RBKS: variants seen among roughly 807,000 people sequenced by gnomAD.
The protein encoded by RBKS is ribokinase.
Under a neutral mutation model 33.9 loss-of-function variants are expected in RBKS, and 33 were observed. The observed-to-expected ratio is 0.97, with a 90% CI of 0.74 to 1.30. The LOEUF (loss-of-function observed/expected upper bound fraction) is 1.30, where lower values mean the gene tolerates loss of function less well. Among genes scored for constraint, RBKS ranks in the 50% most tolerant of loss-of-function variants. The probability of loss-of-function intolerance (pLI) is 0.00; values close to 1 mark genes in which losing one functional copy is unlikely to be tolerated. For synonymous variants in RBKS, 125 were observed against 143.0 expected (o/e 0.87, Z 0.90); for missense variants, 361 against 392.6 (o/e 0.92, Z 0.68).
At chr2:27,858,118 A>G (rs1410524847) in intron 2 of RBKS, among the ~76,000 whole-genome samples, 1 of 152,232 alleles carries the variant, frequency 6.6e-6, no homozygotes, top group Non-Finnish European at 1.5e-5. Flanking sequence ...AAAATGTCAC[A>G]TAATATATAT....
chr2:27,827,215 C>G (rs1678329258), intron 7 of RBKS, among the ~76,000 whole-genome samples: 1 of 152,192 alleles, frequency 6.6e-6, no homozygotes, highest in Middle Eastern at 3.2e-3. Flanking sequence ...ATTGCTATAT[C>G]CCCAGCAACT....
chr2:27,782,237 C>A (rs904002010), intron 7 of RBKS, among the ~76,000 whole-genome samples: 1 of 152,048 alleles, frequency 6.6e-6, no homozygotes, highest in Admixed American at 6.6e-5. Flanking sequence ...TCATAGCTCA[C>A]TGCAGCCTGG....
At chr2:27,792,598 TGTC>T (rs943779622) in intron 7 of RBKS, among the ~76,000 whole-genome samples, 3 of 152,110 alleles carry the variant, frequency 2.0e-5, no homozygotes, top group African/African-American at 7.2e-5. Flanking sequence ...TCTTAACACA[TGTC>T]GTTTCTTCAT....
intron 6 of RBKS, among the ~76,000 whole-genome samples, 186 bp downstream of exon 6, chr2:27,832,500 C>T (rs1678435919): frequency 6.6e-6 from 1 of 152,138 alleles, no homozygotes; most frequent in Non-Finnish European, 1.5e-5. Context: ...CTCAGAGAAT[C>T]CTTTTTTCCC....
At chr2:27,880,663 A>G (rs1419799239) in intron 1 of RBKS, among the ~76,000 whole-genome samples, 3 of 152,192 alleles carry the variant, frequency 2.0e-5, no homozygotes, top group Non-Finnish European at 2.9e-5. Flanking sequence ...CCCATCCACA[A>G]TTACCACATA....
chr2:27,857,959 T>C (rs948713221), intron 2 of RBKS, among the ~76,000 whole-genome samples: 1 of 152,206 alleles, frequency 6.6e-6, no homozygotes, highest in Non-Finnish European at 1.5e-5. Context: ...ACAGCCCAAG[T>C]GTCCATCAAT....
chr2:27,888,285 G>A (rs999819495), intron 1 of RBKS, among the ~76,000 whole-genome samples: 11 of 152,024 alleles, frequency 7.2e-5, no homozygotes, highest in Admixed American at 7.2e-4. Flanking sequence ...CAGCTACCAT[G>A]CCCAGCTAAT....
intron 2 of RBKS, among the ~76,000 whole-genome samples, chr2:27,855,738 A>G (rs1663846438): frequency 6.6e-6 from 1 of 152,238 alleles, no homozygotes; most frequent in Non-Finnish European, 1.5e-5. Flanking sequence ...CACTGTATAA[A>G]TAATGAGGTA....
At chr2:27,832,601 G>T in intron 6 of RBKS, 85 bp downstream of exon 6, 1 of 827,244 alleles carries the variant, frequency 1.2e-6, no homozygotes, top group Non-Finnish European at 2.1e-6. Context: ...TCATCAAATT[G>T]ATGTGGTTAG....
chr2:27,864,167 C>T (rs370501478), intron 1 of RBKS, among the ~76,000 whole-genome samples: 109 of 151,960 alleles, frequency 7.2e-4, no homozygotes, highest in Non-Finnish European at 1.1e-3. Context: ...GCTAGGACTA[C>T]GGGGGCACAC....
rs144424058 is a variant in RBKS at position 27,847,054 on chromosome 2, C to T, written c.337G>A (p.Val113Ile). The T allele has an allele frequency of 8.6e-5, 138 of 1,604,594 alleles. 2 individuals carry two copies. In the Admixed American group the frequency reaches 1.4e-3, roughly 16 times the overall value. The change falls in exon 4 of 8, where the codon GTC becomes ATC. Residue 113 changes from valine to isoleucine, a missense_variant. Val to Ile is a conservative substitution (Grantham distance 29). Transcript: ENST00000302188. ...GCAAAACACTTACCTTCATTATTGACAATTATAGAAGCAGTTCCTGTAGCA... is the reference window on the plus strand; with the variant it reads ...GCAAAACACTTACCTTCATTATTGATAATTATAGAAGCAGTTCCTGTAGCA... ...DAATGTASII[V>I]NNEGQNIIVI...
At chr2:27,802,532 T>C (rs1337364602) in intron 7 of RBKS, among the ~76,000 whole-genome samples, 1 of 152,004 alleles carries the variant, frequency 6.6e-6, no homozygotes, top group Non-Finnish European at 1.5e-5. Context: ...AAAAGTTTCC[T>C]TGGCATGGGA....
rs546661572 is a variant in RBKS, at chr2:27,884,752, A to C, written c.89+5505T>G. 8.9e-4 allele frequency among the ~76,000 whole-genome samples: 136 copies of C among 152,320 alleles called. 3 individuals are homozygous for C. Among genetic ancestry groups the C allele is most frequent in the Non-Finnish European group, 8.7e-4 (59 of 68,032 alleles). ...TCACTTTTAATTGGCAGCATGTAAA[A>C]AGATAACACAGAGTTTTAGTTGACA... On this transcript the variant is annotated intron_variant, in intron 1 of 7. Transcript: ENST00000302188.
At chr2:27,870,961 C>T (rs1032647384) in intron 1 of RBKS, 15 of 449,734 alleles carry the variant, frequency 3.3e-5, no homozygotes, top group Admixed American at 1.7e-4. Context: ...ACCTGGACTG[C>T]GTATCACAGT....
intron 1 of RBKS, among the ~76,000 whole-genome samples, chr2:27,881,168 G>A (rs1392804437): frequency 6.6e-6 from 1 of 152,116 alleles, no homozygotes; most frequent in Non-Finnish European, 1.5e-5. Context: ...GGGATTGCTG[G>A]AGCCTGGAAG....
Position 27,795,708 on chromosome 2 carries a change from C to T in RBKS, c.796-13920G>A, listed in dbSNP as rs1243742234. 6.6e-6 allele frequency among the ~76,000 whole-genome samples: 1 copy of T among 152,104 alleles called. No homozygotes were observed. Among genetic ancestry groups the T allele is most frequent in the African/African-American group, 2.4e-5 (1 of 41,408 alleles). On this transcript the variant is annotated intron_variant, in intron 7 of 7. Transcript: ENST00000302188. The surrounding 1 kb of genome is among the most constrained non-coding windows in gnomAD (Gnocchi z 4.1). ...GTACCCAGACCCAGTGATTCCGCTC[C>T]CATCCTGTTTCACCACCCAGTGAAG... is the stretch of plus-strand genomic sequence containing the variant.
chr2:27,863,341 A>G (rs1664025879), intron 1 of RBKS, among the ~76,000 whole-genome samples: 1 of 152,238 alleles, frequency 6.6e-6, no homozygotes, highest in Non-Finnish European at 1.5e-5. Flanking sequence ...GGCCTGAGCC[A>G]CTTACTGATT....
At chr2:27,862,081 G>C (rs779147411) in intron 1 of RBKS, among the ~76,000 whole-genome samples, 4 of 151,170 alleles carry the variant, frequency 2.6e-5, no homozygotes, top group Non-Finnish European at 5.9e-5. Context: ...CCAGAGAGCT[G>C]GGACCACAGG....
intron 7 of RBKS, among the ~76,000 whole-genome samples, chr2:27,822,978 G>C (rs1558541842): frequency 6.6e-6 from 1 of 152,196 alleles, no homozygotes; most frequent in African/African-American, 2.4e-5. Context: ...TTATAAAGCA[G>C]GGATAACTAA....
Sources: allele counts gnomAD v4.1 joint callset (sites outside exome capture counted in the v4.1 genomes callset), GRCh38; gene constraint gnomAD v4.1.1; non-coding constraint Gnocchi (gnomAD v3.1); transcripts MANE v1.5; gene names NCBI Gene and HGNC (gene_info 2026-07-23, HGNC 2026-07-21).